Variants in PLA2G5 observed in about 807,000 individuals in gnomAD.
The protein encoded by PLA2G5 is Ca2+-dependent phospholipase A2.
PLA2G5 carries 12 observed loss-of-function variants against 15.9 expected under a neutral mutation model. The observed-to-expected ratio is 0.76, with a 90% CI of 0.48 to 1.23. The LOEUF (loss-of-function observed/expected upper bound fraction) is 1.23. PLA2G5 is among the 50% of genes most tolerant of loss of function. The probability of loss-of-function intolerance (pLI) is 0.00; values close to 1 mark genes in which losing one functional copy is unlikely to be tolerated. For missense variants in PLA2G5, 169 were observed against 177.1 expected, an observed-to-expected ratio of 0.95 and a Z score of 0.26; for synonymous variants, 71 against 71.4, an observed-to-expected ratio of 0.99 and a Z score of 0.03.
chr1:20,059,805 T>C (rs2014617283), intron 2 of PLA2G5: 2 of 152,166 alleles, frequency 1.3e-5, no homozygotes, highest in South Asian at 4.1e-4. Context: ...GATTTGCTGG[T>C]ATAGGTTGTC....
Position 20,045,328 on chromosome 1 carries a change from T to C in PLA2G5, n.277-14304T>C, listed in dbSNP as rs372969872. ...ACTTGCCCCCCTGGGGAGGTGGTGCTTGCTACCAAGGTGAAAGATCAAGGC... is the reference window on the plus strand; with the variant it reads ...ACTTGCCCCCCTGGGGAGGTGGTGCCTGCTACCAAGGTGAAAGATCAAGGC... On this transcript the variant is annotated intron_variant and non_coding_transcript_variant, in intron 1 of 6. Transcript: ENST00000460175. Among the ~76,000 whole-genome samples, 128 of 152,082 alleles carry C rather than the reference T, an allele frequency of 8.4e-4. 1 individual carries two copies. The highest frequency in any genetic ancestry group is 2.9e-3 in the African/African-American group (121 of 41,510).
At chr1:20,069,905 T>G (rs1284848357), upstream of PLA2G5, among the ~76,000 whole-genome samples, 1 of 151,970 alleles carries the variant, frequency 6.6e-6, no homozygotes, top group Non-Finnish European at 1.5e-5. Flanking sequence ...CAGTATTGTG[T>G]TCATGTTCTT....
chr1:20,079,424 C>T (rs575614494), intron 1 of PLA2G5, among the ~76,000 whole-genome samples: 1 of 152,334 alleles, frequency 6.6e-6, no homozygotes, highest in South Asian at 2.1e-4. Context: ...GGACTTGGAG[C>T]TGATATAGAG....
At chr1:20,059,256 G>T (rs1157419003) in intron 1 of PLA2G5, among the ~76,000 whole-genome samples, 1 of 151,696 alleles carries the variant, frequency 6.6e-6, no homozygotes, top group Non-Finnish European at 1.5e-5. Flanking sequence ...AACATAGCAA[G>T]ACCTATTCTC....
chr1:20,055,289 C>T (rs74057209), intron 1 of PLA2G5, among the ~76,000 whole-genome samples: 1,640 of 152,286 alleles, frequency 0.011, 31 homozygotes, highest in African/African-American at 0.037. Context: ...TTCTCTTTCC[C>T]GTATGGTTCT....
chr1:20,069,634 C>T (rs992471195), upstream of PLA2G5, among the ~76,000 whole-genome samples: 4 of 147,652 alleles, frequency 2.7e-5, no homozygotes, highest in Admixed American at 6.8e-5. Flanking sequence ...GCACTCCAGC[C>T]TGGGTGACAG....
chr1:20,076,253 G>A (rs2015671306), intron 1 of PLA2G5, among the ~76,000 whole-genome samples: 1 of 151,886 alleles, frequency 6.6e-6, no homozygotes, highest in African/African-American at 2.4e-5. Flanking sequence ...AAAGCACCGT[G>A]TAGATCAAGC....
At chr1:20,081,838 G>A (rs190375870) in intron 1 of PLA2G5, among the ~76,000 whole-genome samples, 67 of 151,940 alleles carry the variant, frequency 4.4e-4, no homozygotes, top group Non-Finnish European at 6.6e-4. Flanking sequence ...CGGATCCTGA[G>A]GTCAGGAGAT....
chr1:20,029,393 T>A (rs1280598361), intron 1 of PLA2G5, among the ~76,000 whole-genome samples: 1 of 152,010 alleles, frequency 6.6e-6, no homozygotes, highest in Non-Finnish European at 1.5e-5. Flanking sequence ...GTTCCTCCGC[T>A]GATATGTTCC....
intron 1 of PLA2G5, among the ~76,000 whole-genome samples, chr1:20,050,467 G>A (rs574221655): frequency 9.8e-5 from 15 of 152,306 alleles, no homozygotes; most frequent in African/African-American, 3.6e-4. Context: ...AATCATTAAT[G>A]TCAAAGGCAC....
At chr1:20,085,790 G>C (rs2016255692) in intron 2 of PLA2G5, among the ~76,000 whole-genome samples, 1 of 152,028 alleles carries the variant, frequency 6.6e-6, no homozygotes, top group Non-Finnish European at 1.5e-5. Flanking sequence ...GCTAATTTGG[G>C]GTCCCCGTTT....
intron 1 of PLA2G5, among the ~76,000 whole-genome samples, chr1:20,047,503 A>G (rs2013968882): frequency 6.6e-6 from 1 of 152,236 alleles, no homozygotes; most frequent in South Asian, 2.1e-4. Context: ...GTGCACATTT[A>G]CATTGAGAAA....
intron 1 of PLA2G5, among the ~76,000 whole-genome samples, chr1:20,076,567 G>A (rs973840343): frequency 4.1e-5 from 6 of 144,844 alleles, no homozygotes; most frequent in Admixed American, 2.1e-4. Context: ...CCTTGGATGA[G>A]GTACCTAACA....
At chr1:20,072,376 G>A (rs529099918) in intron 1 of PLA2G5, among the ~76,000 whole-genome samples, 22 of 152,282 alleles carry the variant, frequency 1.4e-4, no homozygotes, top group Non-Finnish European at 5.9e-5. Flanking sequence ...CACATGATAC[G>A]TGCTTGCTAA....
chr1:20,053,567 T>TTG (rs2014277569), intron 1 of PLA2G5, among the ~76,000 whole-genome samples: 1 of 70,800 alleles, frequency 1.4e-5, no homozygotes, highest in South Asian at 8.1e-4. Flanking sequence ...ATGTATTACT[T>TTG]TGCGGGGGGG....
intron 2 of PLA2G5, among the ~76,000 whole-genome samples, chr1:20,062,614 G>A (rs1023708903): frequency 6.6e-6 from 1 of 152,166 alleles, no homozygotes; most frequent in African/African-American, 2.4e-5. Flanking sequence ...GGCAACATAG[G>A]GAAACCTCGT....
chr1:20,065,815 T>C (rs2014995249), upstream of PLA2G5, among the ~76,000 whole-genome samples: 1 of 152,210 alleles, frequency 6.6e-6, no homozygotes, highest in Non-Finnish European at 1.5e-5. Flanking sequence ...ATTGCTGGAT[T>C]GAATGGTAAC....
intron 1 of PLA2G5, among the ~76,000 whole-genome samples, chr1:20,034,924 C>A (rs1410997515): frequency 6.6e-6 from 1 of 151,938 alleles, no homozygotes; most frequent in Admixed American, 6.6e-5. Flanking sequence ...AGGAGAGTCA[C>A]CCACTAATTG....
intron 1 of PLA2G5, among the ~76,000 whole-genome samples, chr1:20,030,852 A>G (rs2100259928): frequency 6.6e-6 from 1 of 152,358 alleles, no homozygotes; most frequent in Admixed American, 6.5e-5. Context: ...ACCTGGAGTC[A>G]ACACAGCACA....
Sources: allele counts gnomAD v4.1 joint callset (sites outside exome capture counted in the v4.1 genomes callset), GRCh38; gene constraint gnomAD v4.1.1; transcripts MANE v1.5; gene names NCBI Gene and HGNC (gene_info 2026-07-23, HGNC 2026-07-21).